Variants in BMPR2 observed in about 807,000 individuals in gnomAD.
BMPR2 encodes bone morphogenetic protein receptor type 2.
Under a neutral mutation model 100.8 loss-of-function variants are expected in BMPR2, and 29 were observed. The ratio of observed to expected loss-of-function variants is 0.29; its 90% CI spans 0.21 to 0.39. BMPR2 has a LOEUF of 0.39. Among genes scored for constraint, BMPR2 ranks in the 10% least tolerant of loss-of-function variants. The pLI is 1.00. For synonymous variants in BMPR2, 382 were observed against 442.3 expected (o/e 0.86, Z 1.71); for missense variants, 1,011 against 1,274.5 (o/e 0.79, Z 3.15).
chr2:202,547,342 AATGTT>A, intron 10 of BMPR2, among the ~76,000 whole-genome samples: 1 of 152,008 alleles, frequency 6.6e-6, no homozygotes, highest in African/African-American at 2.4e-5. Context: ...CTCTTTTCCA[AATGTT>A]TATACTCCAT....
chr2:202,460,784 A>G (rs1441285342), intron 1 of BMPR2, among the ~76,000 whole-genome samples: 1 of 151,958 alleles, frequency 6.6e-6, no homozygotes, highest in Non-Finnish European at 1.5e-5. Context: ...AGCATACATT[A>G]ATATTATTTT....
chr2:202,550,267 C>T (rs979858512), intron 10 of BMPR2, among the ~76,000 whole-genome samples: 8 of 150,398 alleles, frequency 5.3e-5, no homozygotes, highest in African/African-American at 1.7e-4. Flanking sequence ...CAGCTACTCG[C>T]GAGGCTGAGG....
At chr2:202,507,430 C>T (rs1687541701) in intron 3 of BMPR2, among the ~76,000 whole-genome samples, 1 of 152,198 alleles carries the variant, frequency 6.6e-6, no homozygotes, top group Non-Finnish European at 1.5e-5. Context: ...TGCTCTGTCA[C>T]CCAGACTGGA....
At chr2:202,535,417 T>C (rs1329647246) in intron 9 of BMPR2, among the ~76,000 whole-genome samples, 4 of 133,130 alleles carry the variant, frequency 3.0e-5, no homozygotes, top group Non-Finnish European at 4.8e-5. Flanking sequence ...GGGTCTCGGC[T>C]GGGCAGAGGC....
At chr2:202,424,306 G>A (rs1414324084) in intron 1 of BMPR2, among the ~76,000 whole-genome samples, 1 of 152,118 alleles carries the variant, frequency 6.6e-6, no homozygotes, top group Non-Finnish European at 1.5e-5. Flanking sequence ...CCCAGGAGGT[G>A]GAGGTTGCAG....
chr2:202,416,223 A>G (rs1691121675), intron 1 of BMPR2, among the ~76,000 whole-genome samples: 1 of 152,018 alleles, frequency 6.6e-6, no homozygotes. Flanking sequence ...ATGTGACTGA[A>G]TTGGTGCAGT....
At chr2:202,384,596 C>CTTTTCTTTCT (rs796401849) in intron 1 of BMPR2, among the ~76,000 whole-genome samples, 6 of 12,972 alleles carry the variant, frequency 4.6e-4, no homozygotes, top group African/African-American at 5.1e-4. Context: ...TCTTTTCTTT[C>CTTTTCTTTCT]TTTCTTTCTT....
At chr2:202,451,643 G>A (rs1456719797) in intron 1 of BMPR2, among the ~76,000 whole-genome samples, 1 of 152,194 alleles carries the variant, frequency 6.6e-6, no homozygotes, top group Non-Finnish European at 1.5e-5. Context: ...AGGTTGCAGT[G>A]AGCCGAGATC....
At chr2:202,559,416 C>T (rs1367478576) in intron 12 of BMPR2, among the ~76,000 whole-genome samples, 1 of 151,966 alleles carries the variant, frequency 6.6e-6, no homozygotes, top group African/African-American at 2.4e-5. Flanking sequence ...TTTGAGAATA[C>T]AGCTGAGAAG....
intron 1 of BMPR2, among the ~76,000 whole-genome samples, chr2:202,451,813 G>C (rs1691992398): frequency 6.6e-6 from 1 of 152,166 alleles, no homozygotes; most frequent in African/African-American, 2.4e-5. Context: ...GCAATGGCAT[G>C]ATCTCAGCTC....
intron 3 of BMPR2, among the ~76,000 whole-genome samples, chr2:202,468,667 A>AG (rs1692372820): frequency 6.6e-6 from 1 of 152,236 alleles, no homozygotes; most frequent in South Asian, 2.1e-4. Context: ...AATATTAGGA[A>AG]GTAAATGTCC....
chr2:202,475,617 CCCTA>C (rs1574468151), intron 3 of BMPR2, among the ~76,000 whole-genome samples: 2 of 152,148 alleles, frequency 1.3e-5, no homozygotes, highest in East Asian at 1.9e-4. Context: ...CCCGTATCTA[CCCTA>C]CCTACCTACC....
chr2:202,545,476 A>G (rs1454841693), intron 10 of BMPR2, among the ~76,000 whole-genome samples: 1 of 152,096 alleles, frequency 6.6e-6, no homozygotes, highest in East Asian at 1.9e-4. Context: ...TTTCTTGACT[A>G]TAATAAAAGG....
intron 1 of BMPR2, among the ~76,000 whole-genome samples, chr2:202,401,981 AT>A (rs1268258784): frequency 4.6e-5 from 7 of 152,186 alleles, no homozygotes; most frequent in African/African-American, 1.7e-4. Context: ...TGTTAGTACA[AT>A]TTTGCTCGTG....
In BMPR2 at chr2:202,556,212, T is replaced by C; in HGVS notation, c.2547T>C (p.Asn849=). Reference sequence around the variant, plus strand: ...ATAGGGCCCAAGAAATGTTGCAGAATCAGTTTATTGGTGAGGACACCCGGC... The same window carrying C: ...ATAGGGCCCAAGAAATGTTGCAGAACCAGTTTATTGGTGAGGACACCCGGC... The part of the protein sequence containing the change: ...VTHRAQEMLQ[N]QFIGEDTRLN... Residue 849 remains asparagine (N), a synonymous_variant, in exon 12 of 13, where the codon AAT becomes AAC. Transcript: ENST00000374580. The C allele has an allele frequency of 1.9e-6, 3 of 1,611,554 alleles. No homozygotes were observed. The highest frequency in any genetic ancestry group is 2.5e-6 in the Non-Finnish European group (3 of 1,177,918).
intron 1 of BMPR2, among the ~76,000 whole-genome samples, chr2:202,449,962 T>A (rs1198454948): frequency 6.6e-6 from 1 of 151,250 alleles, no homozygotes; most frequent in East Asian, 1.9e-4. Flanking sequence ...AAAAAAAAAA[T>A]AGCCAGGCTT....
Position 202,563,942 on chromosome 2 carries a change from G to T in BMPR2, c.*3996G>T, listed in dbSNP as rs191179468. On this transcript the variant is annotated 3_prime_UTR_variant, in exon 13 of 13. Coordinates refer to ENST00000374580, the MANE Select transcript of BMPR2 (RefSeq NM_001204.7). ...ATAGCTTCTTTACATGTATCCACTT[G>T]TTCCAGAAAATGTGCATTGGTTCTG... 3.9e-5 allele frequency: 6 copies of T among 152,296 alleles called. No individual in the cohort carries two copies. Among genetic ancestry groups the T allele is most frequent in the Non-Finnish European group, 8.8e-5 (6 of 68,016 alleles). The allele number at this position is 152,296 out of a possible 1,614,324, so 9.4% of individuals were successfully genotyped here.
intron 3 of BMPR2, among the ~76,000 whole-genome samples, chr2:202,471,142 A>C (rs1692429729): frequency 6.6e-6 from 1 of 152,238 alleles, no homozygotes; most frequent in Non-Finnish European, 1.5e-5. Flanking sequence ...GCCAGCTGGA[A>C]GGAACTCCCA....
chr2:202,487,109 C>A (rs1352759138), intron 3 of BMPR2, among the ~76,000 whole-genome samples: 1 of 152,102 alleles, frequency 6.6e-6, no homozygotes. Flanking sequence ...CGCATGATAG[C>A]AAACTATTTT....
Sources: gnomAD v4.1 joint callset for allele counts (sites outside exome capture counted in the v4.1 genomes callset) on GRCh38, gnomAD v4.1.1 for gene constraint, MANE v1.5 for transcripts, NCBI Gene and HGNC (gene_info 2026-07-23, HGNC 2026-07-21) for gene names.